Variants in KDM7A observed in about 807,000 individuals in gnomAD.
KDM7A encodes the protein lysine demethylase 7A.
Under a neutral mutation model 114.8 loss-of-function variants are expected in KDM7A, and 28 were observed. The observed-to-expected ratio is 0.24, with a 90% CI of 0.18 to 0.33. KDM7A has a LOEUF of 0.33. Among genes scored for constraint, KDM7A ranks in the 10% least tolerant of loss-of-function variants. The pLI, the probability that KDM7A is intolerant of heterozygous loss-of-function variation, is 1.00. For synonymous variants in KDM7A, 423 were observed against 397.8 expected (o/e 1.06, Z -0.75); for missense variants, 942 against 1,142.5 (o/e 0.82, Z 2.53).
At chr7:140,168,403 A>C (rs1406818013) in intron 1 of KDM7A, among the ~76,000 whole-genome samples, 2 of 151,670 alleles carry the variant, frequency 1.3e-5, no homozygotes, top group Non-Finnish European at 2.9e-5. Context: ...CTGTTTCTAC[A>C]AAAAAAATAC....
At chr7:140,103,038 GCACAACCAT>G (rs1348900008) in intron 11 of KDM7A, among the ~76,000 whole-genome samples, 2 of 152,060 alleles carry the variant, frequency 1.3e-5, no homozygotes. Context: ...TCACAGTGTT[GCACAACCAT>G]CACTGCCATC....
In KDM7A at chr7:140,090,046, C is replaced by T. The variant is rs932885649; in HGVS notation, c.*1048G>A. ...TAAGGTATAACCTCTGCAGCAGGTGCCAGTCCTGTTGTCCAACAGCAGCAG... is the reference window on the plus strand; with the variant it reads ...TAAGGTATAACCTCTGCAGCAGGTGTCAGTCCTGTTGTCCAACAGCAGCAG... On this transcript the variant is annotated 3_prime_UTR_variant, in exon 20 of 20. Coordinates refer to ENST00000397560, the MANE Select transcript of KDM7A (RefSeq NM_030647.2). 6.6e-6 allele frequency: 1 copy of T among 152,130 alleles called. No homozygotes were observed. Among genetic ancestry groups the T allele is most frequent in the African/African-American group, 2.4e-5 (1 of 41,428 alleles). The allele number at this position is 152,130 out of a possible 1,614,324, so 9.4% of individuals were successfully genotyped here. A position where few individuals can be genotyped will look rare whatever the true frequency, so the allele number is the denominator to read the frequency against.
intron 17 of KDM7A, among the ~76,000 whole-genome samples, chr7:140,095,099 CG>C (rs1325613775): frequency 6.6e-6 from 1 of 152,220 alleles, no homozygotes; most frequent in African/African-American, 2.4e-5. Context: ...CCGCCCACCT[CG>C]GCCTCCCAAA....
chr7:140,123,973 G>A (rs1020969184), intron 7 of KDM7A, among the ~76,000 whole-genome samples: 1 of 151,870 alleles, frequency 6.6e-6, no homozygotes, highest in Non-Finnish European at 1.5e-5. Context: ...GGAAGGCTGA[G>A]GCAGGAGAAT....
At chr7:140,101,846 C>A in intron 12 of KDM7A, 105 bp downstream of exon 12, 1 of 763,386 alleles carries the variant, frequency 1.3e-6, no homozygotes, top group South Asian at 1.7e-5. Context: ...ATGCTGCAGC[C>A]AAGATTAGAT....
chr7:140,171,536 T>TATATTTATAAATATATATTTATTTAC (rs1562962702), intron 1 of KDM7A, among the ~76,000 whole-genome samples: 1 of 143,750 alleles, frequency 7.0e-6, no homozygotes, highest in Non-Finnish European at 1.5e-5. Flanking sequence ...TATTTATTTA[T>TATATTTATAAATATATATTTATTTAC]ATATTTATAA....
intron 10 of KDM7A, among the ~76,000 whole-genome samples, chr7:140,112,701 T>C (rs554344121): frequency 6.9e-4 from 105 of 151,198 alleles, no homozygotes; most frequent in Non-Finnish European, 1.3e-3. Flanking sequence ...CAAAGTTCCA[T>C]GGAGTTATAA....
intron 9 of KDM7A, among the ~76,000 whole-genome samples, chr7:140,116,861 C>A (rs1818539134): frequency 6.6e-6 from 1 of 152,190 alleles, no homozygotes; most frequent in Non-Finnish European, 1.5e-5. Flanking sequence ...TTACACAAAT[C>A]CAAACTGGTT....
At chr7:140,108,305 G>C (rs1818374526) in intron 11 of KDM7A, among the ~76,000 whole-genome samples, 1 of 152,180 alleles carries the variant, frequency 6.6e-6, no homozygotes, top group Non-Finnish European at 1.5e-5. Context: ...TCTCCGTCCA[G>C]CTTCGTTCCG....
At chr7:140,141,037 C>T (rs527716067) in intron 1 of KDM7A, among the ~76,000 whole-genome samples, 1 of 152,088 alleles carries the variant, frequency 6.6e-6, no homozygotes, top group East Asian at 1.9e-4. Flanking sequence ...AAGTGAAATA[C>T]CATGTACAAC....
chr7:140,148,017 C>T (rs1032620120), intron 1 of KDM7A, among the ~76,000 whole-genome samples: 17 of 152,142 alleles, frequency 1.1e-4, no homozygotes, highest in Non-Finnish European at 2.5e-4. Context: ...AGTAAACATA[C>T]TAAGTCATAA....
At chr7:140,139,083 T>A (rs1319816833) in intron 2 of KDM7A, 22 bp downstream of exon 2, 1 of 1,506,770 alleles carries the variant, frequency 6.6e-7, no homozygotes, top group Non-Finnish European at 9.2e-7. Flanking sequence ...TGTCCATTTT[T>A]ATTTAAGCAT....
chr7:140,135,409 G>A (rs921889026), intron 2 of KDM7A, among the ~76,000 whole-genome samples: 2 of 151,916 alleles, frequency 1.3e-5, no homozygotes, highest in Non-Finnish European at 2.9e-5. Flanking sequence ...CACCATGTTG[G>A]CCAGGATGGT....
At chr7:140,104,173 G>A (rs140176878) in intron 11 of KDM7A, among the ~76,000 whole-genome samples, 1,569 of 152,148 alleles carry the variant, frequency 0.01, 22 homozygotes, top group African/African-American at 0.036. Context: ...ATTTTTTCTC[G>A]TAAATCTGTT....
chr7:140,092,000 A>G lies in KDM7A; in HGVS notation c.2535T>C (p.Tyr845=), dbSNP rs751697594. ...EISQRVQSRN[Y]VDSSGSSLQN... Reference sequence around the variant, plus strand: ...GAAGGCTTGAGCCGCTGCTGTCCACATAATTCCTACTTTGTACCCTCTGAC... The same window carrying G: ...GAAGGCTTGAGCCGCTGCTGTCCACGTAATTCCTACTTTGTACCCTCTGAC... Residue 845 remains tyrosine (Y), a synonymous_variant, in exon 19 of 20, where the codon TAT becomes TAC. Coordinates refer to ENST00000397560, the MANE Select transcript of KDM7A (RefSeq NM_030647.2). The G allele has an allele frequency of 9.2e-5, 149 of 1,614,038 alleles. No homozygotes were observed. The highest frequency in any genetic ancestry group is 2.0e-4 in the East Asian group (9 of 44,892).
chr7:140,143,226 T>C (rs1794305615), intron 1 of KDM7A, among the ~76,000 whole-genome samples: 1 of 150,638 alleles, frequency 6.6e-6, no homozygotes, highest in African/African-American at 2.4e-5. Context: ...TGATATATTC[T>C]ATGTATGCAG....
rs181874064 is a variant in KDM7A at position 140,130,062 on chromosome 7, G to T, written c.399-409C>A. The stretch of plus-strand genomic sequence containing the variant: ...ATTTTCCGATTAGGGATGCTCAGCT[G>T]CTAAGTATAATGCAAATATTCCAAA... On this transcript the variant is annotated intron_variant, in intron 3 of 19. Coordinates refer to ENST00000397560, the MANE Select transcript of KDM7A (RefSeq NM_030647.2). Among the ~76,000 whole-genome samples, 527 of 152,148 alleles carry T rather than the reference G, an allele frequency of 3.5e-3. 2 individuals carry two copies. The highest frequency in any genetic ancestry group is 5.4e-3 in the Non-Finnish European group (367 of 67,996).
chr7:140,132,966 G>A (rs571346315), intron 3 of KDM7A, among the ~76,000 whole-genome samples: 2 of 152,336 alleles, frequency 1.3e-5, no homozygotes, highest in South Asian at 2.1e-4. Flanking sequence ...CAGGCAGTGA[G>A]TAGGAAATGA....
chr7:140,100,984 G>A (rs1037225673), intron 12 of KDM7A, among the ~76,000 whole-genome samples: 4 of 150,118 alleles, frequency 2.7e-5, no homozygotes, highest in Admixed American at 6.6e-5. Flanking sequence ...TCCTGACCTC[G>A]TGATCCACCC....
Sources: allele counts gnomAD v4.1 joint callset (sites outside exome capture counted in the v4.1 genomes callset), GRCh38; gene constraint gnomAD v4.1.1; transcripts MANE v1.5; gene names NCBI Gene and HGNC (gene_info 2026-07-23, HGNC 2026-07-21).